Variants in SP3 observed in about 807,000 individuals in gnomAD.
SP3 encodes the protein Sp3 transcription factor, also known as transcription factor Sp3.
A neutral mutation model predicts 70.3 loss-of-function variants in SP3; 10 were observed. The observed-to-expected ratio is 0.14, with a 90% CI of 0.09 to 0.24. SP3 has a LOEUF of 0.24. Ranked by LOEUF, SP3 falls within the 10% of genes least tolerant of loss-of-function variation. The pLI, the probability that SP3 is intolerant of heterozygous loss-of-function variation, is 1.00. For synonymous variants in SP3, 402 were observed against 333.5 expected (o/e 1.21, Z -2.24); for missense variants, 825 against 914.6 (o/e 0.90, Z 1.26).
intron 3 of SP3, chr2:173,963,290 A>G (rs1432854746): frequency 6.6e-6 from 1 of 152,216 alleles, no homozygotes; most frequent in East Asian, 1.9e-4. Flanking sequence ...TTCAAAGAAT[A>G]AACCCTCATT....
intron 4 of SP3, among the ~76,000 whole-genome samples, chr2:173,934,706 T>C (rs371677473): frequency 6.6e-6 from 1 of 151,014 alleles, no homozygotes; most frequent in Non-Finnish European, 1.5e-5. Context: ...CTATAAAACA[T>C]AAAAAGTAAA....
chr2:173,948,815 T>C (rs1690623285), intron 4 of SP3, among the ~76,000 whole-genome samples: 1 of 152,088 alleles, frequency 6.6e-6, no homozygotes, highest in Non-Finnish European at 1.5e-5. Context: ...AAAATCAGAA[T>C]ATGAATAGGT....
intron 4 of SP3, among the ~76,000 whole-genome samples, chr2:173,930,973 T>C (rs977134766): frequency 2.0e-5 from 3 of 152,210 alleles, no homozygotes; most frequent in African/African-American, 7.2e-5. Context: ...CACTACAAAT[T>C]TGATTCCAGA....
chr2:173,921,639 C>T (rs1336638423), intron 4 of SP3, among the ~76,000 whole-genome samples: 3 of 152,156 alleles, frequency 2.0e-5, no homozygotes. Flanking sequence ...TCACTTGAGC[C>T]CAGGAGGTTC....
At position 173,903,306 on chromosome 2, in the gene SP3, A is replaced by G. The variant is rs999276930; in HGVS notation, c.*6635T>C. ...TGAAGATGACGCTAGCATCATTCTC[A>G]TTTTATAGTTAGAGAACAGGCTAAG... On this transcript the variant is annotated 3_prime_UTR_variant, in exon 7 of 7. Transcript: ENST00000310015. 1.3e-5 allele frequency among the ~76,000 whole-genome samples: 2 copies of G among 152,244 alleles called. No homozygotes were observed. Among genetic ancestry groups the G allele is most frequent in the Non-Finnish European group, 2.9e-5 (2 of 68,038 alleles).
intron 4 of SP3, among the ~76,000 whole-genome samples, chr2:173,921,192 A>G (rs1482784965): frequency 6.6e-6 from 1 of 152,072 alleles, no homozygotes; most frequent in African/African-American, 2.4e-5. Flanking sequence ...GTTAAAGACA[A>G]TTTTTTTGCT....
In SP3 at chr2:173,953,952, A is replaced by C. The variant is rs370018073; in HGVS notation, c.1639+921T>G. ...TTTTCTAAGCATGTATCACAAATTTATCAAAAGAAAAAAGGTAATCTTTAA... is the reference window on the plus strand; with the variant it reads ...TTTTCTAAGCATGTATCACAAATTTCTCAAAAGAAAAAAGGTAATCTTTAA... On this transcript the variant is annotated intron_variant, in intron 4 of 6. Coordinates refer to ENST00000310015, the MANE Select transcript of SP3 (RefSeq NM_003111.5). 4.6e-5 allele frequency among the ~76,000 whole-genome samples: 7 copies of C among 152,336 alleles called. No homozygotes were observed. The East Asian group carries it at 1.2e-3, about 25-fold the overall frequency.
chr2:173,921,368 T>C (rs1689748893), intron 4 of SP3, among the ~76,000 whole-genome samples: 1 of 152,146 alleles, frequency 6.6e-6, no homozygotes, highest in Non-Finnish European at 1.5e-5. Flanking sequence ...TGTTCTAAGT[T>C]CTAAGGATAA....
intron 4 of SP3, among the ~76,000 whole-genome samples, chr2:173,934,581 T>C (rs1414029949): frequency 1.3e-5 from 2 of 152,082 alleles, no homozygotes; most frequent in African/African-American, 2.4e-5. Flanking sequence ...ATTAACACTG[T>C]AACAAAAAAG....
At chr2:173,910,509 AAT>A (rs552888125) in intron 6 of SP3, among the ~76,000 whole-genome samples, 120 of 152,334 alleles carry the variant, frequency 7.9e-4, no homozygotes, top group Non-Finnish European at 1.5e-3. Flanking sequence ...TGGATATTCA[AAT>A]AAGACTTTAA....
chr2:173,937,376 A>G (rs909230055), intron 4 of SP3, among the ~76,000 whole-genome samples: 13 of 152,212 alleles, frequency 8.5e-5, no homozygotes, highest in Non-Finnish European at 1.5e-4. Context: ...ATGCAGGGAA[A>G]TAGCCTAAAC....
chr2:173,963,950 C>G, intron 2 of SP3, 67 bp from the exon 3 acceptor site: 1 of 1,176,912 alleles, frequency 8.5e-7, no homozygotes, highest in Non-Finnish European at 1.1e-6. Flanking sequence ...GTCGGGCCGC[C>G]TTTCGCACAG....
intron 4 of SP3, among the ~76,000 whole-genome samples, chr2:173,920,925 G>A (rs1465780831): frequency 6.6e-6 from 1 of 152,108 alleles, no homozygotes; most frequent in Non-Finnish European, 1.5e-5. Flanking sequence ...GGGAGTAGGT[G>A]CTCCATGGGG....
chr2:173,944,011 A>AT (rs2105485717), intron 4 of SP3, among the ~76,000 whole-genome samples: 1 of 152,368 alleles, frequency 6.6e-6, no homozygotes, highest in Admixed American at 6.5e-5. Context: ...ATATCTAAAC[A>AT]TAACAGAAAA....
Position 173,908,379 on chromosome 2 carries a change from CTATA to C in SP3, c.*1558_*1561del. 6.6e-6 allele frequency: 1 copy of C among 152,308 alleles called. No homozygotes were observed. 9.4% of individuals were successfully genotyped at this position (152,308 alleles called of 1,614,324 possible). A position where few individuals can be genotyped will look rare whatever the true frequency, so the allele number is the denominator to read the frequency against. On this transcript the variant is annotated 3_prime_UTR_variant, in exon 7 of 7. Transcript: ENST00000310015. ...AAAAATTAGTAAATGACCAGTGTCTCTATATATCTCTTCTTCAAATAAATGCCTG... is the reference window on the plus strand; with the variant it reads ...AAAAATTAGTAAATGACCAGTGTCTCTATCTCTTCTTCAAATAAATGCCTG...
At chr2:173,943,488 C>T (rs4972622) in intron 4 of SP3, among the ~76,000 whole-genome samples, 101,851 of 152,026 alleles carry the variant, frequency 0.67, 34,644 homozygotes, top group African/African-American at 0.78. Flanking sequence ...CTCTGCTTTA[C>T]TTTCCTTTTT....
chr2:173,946,279 GA>G (rs1243953871), intron 4 of SP3, among the ~76,000 whole-genome samples: 7 of 151,766 alleles, frequency 4.6e-5, no homozygotes, highest in Non-Finnish European at 8.8e-5. Context: ...GTGTACTTTT[GA>G]AATTTTTTAT....
chr2:173,948,100 ATGAATCTAACTC>A (rs1455704105), intron 4 of SP3, among the ~76,000 whole-genome samples: 1 of 152,194 alleles, frequency 6.6e-6, no homozygotes, highest in Non-Finnish European at 1.5e-5. Flanking sequence ...GTTTTCAGCA[ATGAATCTAACTC>A]TGGGTTTTTC....
intron 4 of SP3, among the ~76,000 whole-genome samples, chr2:173,935,030 T>C (rs1360748641): frequency 6.6e-6 from 1 of 152,220 alleles, no homozygotes; most frequent in East Asian, 1.9e-4. Context: ...TGTACTGATA[T>C]GTCGACTGGT....
Sources: allele counts gnomAD v4.1 joint callset (sites outside exome capture counted in the v4.1 genomes callset), GRCh38; gene constraint gnomAD v4.1.1; transcripts MANE v1.5; gene names NCBI Gene and HGNC (gene_info 2026-07-23, HGNC 2026-07-21).